The following ATP6V0A4 variants were observed in gnomAD, a reference collection of about 807,000 sequenced individuals.
ATP6V0A4 encodes the protein ATPase H+ transporting V0 subunit a4, also known as V-type proton ATPase 116 kDa subunit a 4.
In ATP6V0A4, 86 loss-of-function variants were observed where a neutral mutation model predicts 107.3. The observed-to-expected ratio is 0.80, with a 90% CI of 0.67 to 0.96. ATP6V0A4 has a LOEUF of 0.96. Among genes scored for constraint, ATP6V0A4 ranks in the 40% least tolerant of loss-of-function variants. The pLI is 0.00. For synonymous variants in ATP6V0A4, 353 were observed against 381.4 expected (o/e 0.93, Z 0.87); for missense variants, 908 against 1,045.6 (o/e 0.87, Z 1.81).
chr7:138,729,043 T>C, intron 17 of ATP6V0A4, 181 bp from the exon 18 acceptor site: 1 of 811,064 alleles, frequency 1.2e-6, no homozygotes, highest in Non-Finnish European at 1.5e-6. Context: ...GAGAAATATC[T>C]GTCCAGTGTT....
At chr7:138,784,259 T>C (rs1309626253) in intron 2 of ATP6V0A4, among the ~76,000 whole-genome samples, 7 of 32,850 alleles carry the variant, frequency 2.1e-4, no homozygotes, top group African/African-American at 7.0e-4. Context: ...TATACATATA[T>C]ATATATACAT....
At chr7:138,778,761 C>T (rs1323822543) in intron 2 of ATP6V0A4, among the ~76,000 whole-genome samples, 4 of 152,058 alleles carry the variant, frequency 2.6e-5, no homozygotes, top group Non-Finnish European at 4.4e-5. Context: ...ACTTCCAGGC[C>T]GAGTGGGGAG....
At chr7:138,742,048 A>T (rs981015387) in intron 14 of ATP6V0A4, among the ~76,000 whole-genome samples, 2 of 152,240 alleles carry the variant, frequency 1.3e-5, no homozygotes, top group Admixed American at 6.5e-5. Context: ...AAGACAGTTA[A>T]TTCGGGCCTT....
rs533056100 is a variant in ATP6V0A4, at chr7:138,798,156, T to C, written c.-243A>G. On this transcript the variant is annotated 5_prime_UTR_variant, in exon 1 of 22. Coordinates refer to ENST00000310018, the MANE Select transcript of ATP6V0A4 (RefSeq NM_020632.3). ...GGCCACCCTGATCCTCAGCCTGGCC[T>C]TTGCCTCCCTCCACTCGGCTTGCTC... 9 of 1,599,818 alleles carry C rather than the reference T, an allele frequency of 5.6e-6. No individual in the cohort carries two copies. In the Admixed American group the frequency reaches 1.6e-4, roughly 28 times the overall value.
chr7:138,733,188 T>A, intron 16 of ATP6V0A4, 95 bp from the exon 17 acceptor site: 2 of 1,553,104 alleles, frequency 1.3e-6, no homozygotes, highest in Non-Finnish European at 8.6e-7. Flanking sequence ...CAAAATGTTC[T>A]ATCTTTTTTT....
chr7:138,720,809 G>C (rs551351051), intron 19 of ATP6V0A4, among the ~76,000 whole-genome samples: 1 of 152,006 alleles, frequency 6.6e-6, no homozygotes, highest in African/African-American at 2.4e-5. Flanking sequence ...GCTAATTTTT[G>C]TATATTTAGT....
At chr7:138,767,644 C>CAAA (rs201479201) in intron 5 of ATP6V0A4, among the ~76,000 whole-genome samples, 3 of 97,394 alleles carry the variant, frequency 3.1e-5, no homozygotes, top group African/African-American at 1.1e-4. Context: ...AAGTTATCTT[C>CAAA]AAAAAAAAAA....
chr7:138,726,681 G>A (rs1268147564), intron 18 of ATP6V0A4, among the ~76,000 whole-genome samples: 1 of 152,210 alleles, frequency 6.6e-6, no homozygotes, highest in Non-Finnish European at 1.5e-5. Context: ...TCTCTTGAAC[G>A]GAGGTGGTAA....
chr7:138,718,583 G>A (rs1312113420), intron 19 of ATP6V0A4, among the ~76,000 whole-genome samples: 1 of 100,434 alleles, frequency 1.0e-5, no homozygotes, highest in Non-Finnish European at 2.0e-5. Context: ...GAGGCATGGG[G>A]CGGAATGGGG....
chr7:138,730,341 A>AGTGTGTGTGTGTGTGTGT lies in ATP6V0A4; in HGVS notation c.1909-1497_1909-1480dup. ...CGATGACGTACAAAGCAACGGGATG[A>AGTGTGTGTGTGTGTGTGT]GTGTGTGTGTGTGTGTGTGTGTGTG... On this transcript the variant is annotated intron_variant, in intron 17 of 21. Coordinates refer to ENST00000310018, the MANE Select transcript of ATP6V0A4 (RefSeq NM_020632.3). 1.4e-5 allele frequency among the ~76,000 whole-genome samples: 2 copies of AGTGTGTGTGTGTGTGTGT among 140,140 alleles called. 1 individual carries two copies. Among genetic ancestry groups the AGTGTGTGTGTGTGTGTGT allele is most frequent in the South Asian group, 4.8e-4 (2 of 4,166 alleles). 91.9% of individuals were successfully genotyped at this position (140,140 alleles called of 152,430 possible). A position where few individuals can be genotyped will look rare whatever the true frequency, so the allele number is the denominator to read the frequency against.
Position 138,769,933 on chromosome 7 carries a change from C to A in ATP6V0A4, c.118-682G>T, listed in dbSNP as rs111917879. ...TCTCTACAAAAAATTACAAAATTAA[C>A]CGAGCGTGGTGGTGTGCTGAGGTAG... On this transcript the variant is annotated intron_variant, in intron 3 of 21. Transcript: ENST00000310018. Among the ~76,000 whole-genome samples the A allele has an allele frequency of 9.9e-3, 1,513 of 152,072 alleles. 40 individuals carry two copies. Among genetic ancestry groups the A allele is most frequent in the African/African-American group, 0.034 (1,414 of 41,484 alleles).
chr7:138,712,329 T>G (rs1278431273), intron 20 of ATP6V0A4, among the ~76,000 whole-genome samples: 1 of 152,164 alleles, frequency 6.6e-6, no homozygotes. Context: ...TTTGAAGGAC[T>G]TGGGTCATAC....
chr7:138,728,388 G>A (rs2117227628), intron 18 of ATP6V0A4, among the ~76,000 whole-genome samples: 2 of 152,076 alleles, frequency 1.3e-5, no homozygotes, highest in Middle Eastern at 3.4e-3. Flanking sequence ...CACCATGCCT[G>A]GCTAATTTTG....
intron 16 of ATP6V0A4, 104 bp from the exon 17 acceptor site, chr7:138,733,197 T>G (rs1805116798): frequency 6.5e-7 from 1 of 1,543,638 alleles, no homozygotes; most frequent in Non-Finnish European, 8.7e-7. Context: ...CTATCTTTTT[T>G]TTTTTTGCAC....
At chr7:138,744,796 A>T (rs935983708) in intron 14 of ATP6V0A4, among the ~76,000 whole-genome samples, 2 of 151,776 alleles carry the variant, frequency 1.3e-5, no homozygotes, top group Non-Finnish European at 2.9e-5. Context: ...TCCGCCTCCC[A>T]GGCTCAAGCA....
Position 138,706,641 on chromosome 7 carries a change from C to A in ATP6V0A4, c.2506G>T (p.Gly836Cys). The A allele has an allele frequency of 1.2e-6, 2 of 1,613,964 alleles. No homozygotes were observed. Among genetic ancestry groups the A allele is most frequent in the Middle Eastern group, 1.6e-4 (1 of 6,062 alleles). The change falls in exon 22 of 22, where the codon GGC becomes TGC. Residue 836 changes from glycine to cysteine, a missense_variant. Transcript: ENST00000310018. ...CCCTCAGCCTACTCCTCGGCTGTGCCATCCAGGATGTGTTTAAAGGAGAAT... is the reference window on the plus strand; with the variant it reads ...CCCTCAGCCTACTCCTCGGCTGTGCAATCCAGGATGTGTTTAAAGGAGAAT... ...SPFSFKHILD[G>C]TAEE
chr7:138,709,941 T>C (rs1040788566), intron 20 of ATP6V0A4, 146 bp from the exon 21 acceptor site: 14 of 925,910 alleles, frequency 1.5e-5, no homozygotes, highest in Non-Finnish European at 1.9e-5. Context: ...CTCCAACTCC[T>C]GGCCTGAAGC....
intron 5 of ATP6V0A4, among the ~76,000 whole-genome samples, chr7:138,766,343 C>T (rs959827361): frequency 1.3e-4 from 19 of 151,902 alleles, no homozygotes; most frequent in African/African-American, 4.6e-4. Flanking sequence ...GCTGGGATTA[C>T]AGGCATGCGC....
At chr7:138,759,605 TA>T in intron 8 of ATP6V0A4, 146 bp downstream of exon 8, 1 of 897,544 alleles carries the variant, frequency 1.1e-6, no homozygotes, top group Non-Finnish European at 1.7e-6. Context: ...AGGAACAAAG[TA>T]AAAGGGAAGG....
Sources: gnomAD v4.1 joint callset for allele counts (sites outside exome capture counted in the v4.1 genomes callset) on GRCh38, gnomAD v4.1.1 for gene constraint, MANE v1.5 for transcripts, NCBI Gene and HGNC (gene_info 2026-07-23, HGNC 2026-07-21) for gene names.